Variants in AKAP8 observed in about 807,000 individuals in gnomAD.
AKAP8 encodes A-kinase anchoring protein 8.
AKAP8 carries 24 observed loss-of-function variants against 67.5 expected under a neutral mutation model. The ratio of observed to expected loss-of-function variants is 0.36; its 90% CI spans 0.26 to 0.50. The LOEUF is 0.50. Ranked by LOEUF, AKAP8 falls within the 20% of genes least tolerant of loss-of-function variation. The pLI is 0.97. For missense variants in AKAP8, 971 were observed against 955.9 expected (o/e 1.02, Z -0.21); for synonymous variants, 400 against 371.1 (o/e 1.08, Z -0.90).
At chr19:15,368,632 T>C (rs913717239) in intron 8 of AKAP8, 2 of 985,120 alleles carry the variant, frequency 2.0e-6, no homozygotes, top group Non-Finnish European at 2.4e-6. Flanking sequence ...CCATTCTGCT[T>C]GTCCAATCTC....
chr19:15,366,158 A>G (rs1246407266), intron 9 of AKAP8, among the ~76,000 whole-genome samples: 1 of 103,176 alleles, frequency 9.7e-6, no homozygotes, highest in Non-Finnish European at 1.9e-5. Flanking sequence ...CAAAAAGAAA[A>G]AAAAAAAAAG....
intron 1 of AKAP8, 126 bp downstream of exon 1, chr19:15,379,587 T>G: frequency 8.9e-7 from 1 of 1,129,000 alleles, no homozygotes; most frequent in Non-Finnish European, 1.2e-6. Flanking sequence ...TGGCCGCCTC[T>G]CCGGAGGGCC....
intron 10 of AKAP8, 123 bp downstream of exon 10, chr19:15,361,987 C>A: frequency 7.0e-7 from 1 of 1,434,030 alleles, no homozygotes; most frequent in Non-Finnish European, 9.4e-7. Flanking sequence ...ACTTACACAG[C>A]TACTCTATCT....
intron 12 of AKAP8, among the ~76,000 whole-genome samples, chr19:15,359,755 C>T (rs578167977): frequency 6.6e-6 from 1 of 152,168 alleles, no homozygotes; most frequent in African/African-American, 2.4e-5. Flanking sequence ...AAACACACAA[C>T]CATGACTGCA....
intron 10 of AKAP8, 132 bp from the exon 11 acceptor site, chr19:15,361,954 C>T: frequency 1.5e-6 from 2 of 1,347,312 alleles, no homozygotes; most frequent in South Asian, 2.7e-5. Context: ...GCTGGAGCTC[C>T]CGGTTGTCCC....
chr19:15,354,409 A>G lies in AKAP8; in HGVS notation c.*506T>C. The G allele has an allele frequency of 6.2e-6, 1 of 160,166 alleles. No homozygotes were observed. The highest frequency in any genetic ancestry group is 1.7e-4 in the South Asian group (1 of 5,772). 9.9% of individuals were successfully genotyped at this position (160,166 alleles called of 1,614,324 possible). A position where few individuals can be genotyped will look rare whatever the true frequency, so the allele number is the denominator to read the frequency against. On this transcript the variant is annotated 3_prime_UTR_variant, in exon 14 of 14. Transcript: ENST00000269701. ...ACGCGGTCAGTGCCACATGTGAACC[A>G]GGTGCTGCGAAGTCCTGTGAAAGTC... is the stretch of plus-strand genomic sequence containing the variant.
intron 13 of AKAP8, among the ~76,000 whole-genome samples, chr19:15,357,974 C>T (rs1168634328): frequency 6.6e-6 from 1 of 152,182 alleles, no homozygotes; most frequent in Non-Finnish European, 1.5e-5. Flanking sequence ...TGAGCCACCA[C>T]GCCCGGCCCA....
intron 11 of AKAP8, 52 bp downstream of exon 11, chr19:15,361,677 C>T (rs531519961): frequency 1.8e-4 from 273 of 1,526,048 alleles, no homozygotes; most frequent in Admixed American, 2.5e-4. Flanking sequence ...CGGGTCCTGT[C>T]ACATGCCTTA....
chr19:15,373,448 C>T (rs1967197729), intron 4 of AKAP8, 108 bp from the exon 5 acceptor site: 1 of 1,439,012 alleles, frequency 6.9e-7, no homozygotes, highest in African/African-American at 1.4e-5. Context: ...AACCAAACCA[C>T]CCTGCATCCC....
chr19:15,357,626 C>T (rs1966902017), intron 13 of AKAP8, among the ~76,000 whole-genome samples: 1 of 151,106 alleles, frequency 6.6e-6, no homozygotes, highest in South Asian at 2.1e-4. Context: ...CGCTTAGAAG[C>T]CTGAGCTCAC....
Position 15,362,342 on chromosome 19 carries a change from A to T in AKAP8, c.1161-91T>A, listed in dbSNP as rs1003183602. On this transcript the variant is annotated intron_variant, in intron 9 of 13. Transcript: ENST00000269701. ...GCTCACCTCTGAGGAGAGCTGAAAT[A>T]GAAACAGGATTTTCAGCTCTCCCCC... 27 of 1,449,908 alleles carry T rather than the reference A, an allele frequency of 1.9e-5. No homozygotes were observed. The African/African-American group carries it at 3.3e-4, about 18-fold the overall frequency. The allele number at this position is 1,449,908 out of a possible 1,614,324, so 89.8% of individuals were successfully genotyped here. A position where few individuals can be genotyped will look rare whatever the true frequency, so the allele number is the denominator to read the frequency against.
chr19:15,365,379 C>T (rs1021533456), intron 9 of AKAP8, among the ~76,000 whole-genome samples: 2 of 152,240 alleles, frequency 1.3e-5, no homozygotes, highest in Admixed American at 6.5e-5. Context: ...AAAGTCTCCC[C>T]AAATGCAACC....
At chr19:15,366,098 T>TA (rs1568426032) in intron 9 of AKAP8, among the ~76,000 whole-genome samples, 104 of 131,918 alleles carry the variant, frequency 7.9e-4, no homozygotes, top group African/African-American at 2.8e-3. Flanking sequence ...TTTTTTTTTT[T>TA]TAAAAAAAGT....
chr19:15,370,034 CCA>C, intron 8 of AKAP8, 110 bp downstream of exon 8: 1 of 1,359,176 alleles, frequency 7.4e-7, no homozygotes, highest in South Asian at 1.2e-5. Context: ...CCCTCTTCCC[CCA>C]CAGCCACGGG....
At position 15,360,871 on chromosome 19, in the gene AKAP8, C is replaced by T. The variant is rs773404765; in HGVS notation, c.1504G>A (p.Val502Met). ...ACCCTGCGGTTGTGATTGTGGTCCA[C>T]GGAGTGCAGGTGCCGCTGGAGGAGC... ...PQLLQRHLHSVDHNHNRRLAA... is the reference protein window; with the variant it reads ...PQLLQRHLHSMDHNHNRRLAA... The change falls in exon 12 of 14, where the codon GTG (valine) becomes ATG (methionine). Residue 502 changes from valine (V) to methionine (M), a missense_variant. Physicochemically the swap from Val to Met is conservative, Grantham distance 21 (BLOSUM62 1). Around this residue, in one of 3 missense-constraint regions of AKAP8, gnomAD observed 763 missense variants for 745.4 expected, o/e 1.02. Transcript: ENST00000269701. 162 of 1,613,154 alleles carry T rather than the reference C, an allele frequency of 1.0e-4. No homozygotes were observed. The highest frequency in any genetic ancestry group is 1.7e-4 in the Middle Eastern group (1 of 5,978).
chr19:15,356,111 G>C (rs1599554128), intron 13 of AKAP8, among the ~76,000 whole-genome samples: 1 of 151,972 alleles, frequency 6.6e-6, no homozygotes, highest in African/African-American at 2.4e-5. Flanking sequence ...TTTTAAAAAA[G>C]GGCATGAGGC....
rs893132970 is a variant in AKAP8, at chr19:15,368,141, C to T, written c.1160+94G>A. On this transcript the variant is annotated intron_variant, in intron 9 of 13. Transcript: ENST00000269701. ...TGGCCAGAGGAGTCAGGCCACCAGG[C>T]CCCCAGCATTGTGGAGCGAGGACAG... 7 of 1,525,448 alleles carry T rather than the reference C, an allele frequency of 4.6e-6. No homozygotes were observed. The African/African-American group carries it at 5.5e-5, about 12-fold the overall frequency. 94.5% of individuals were successfully genotyped at this position (1,525,448 alleles called of 1,614,324 possible).
Position 15,372,949 on chromosome 19 carries a change from C to G in AKAP8, c.763G>C (p.Asp255His), listed in dbSNP as rs745584936. Reference protein sequence around the residue: ...PSLFSQSMAPDYGVMGMQGAG... With the variant: ...PSLFSQSMAPHYGVMGMQGAG... ...CCCTGCATGCCCATCACGCCGTAGTCGGGAGCCATGGACTGGGAGAAGAGG... is the reference window on the plus strand; with the variant it reads ...CCCTGCATGCCCATCACGCCGTAGTGGGGAGCCATGGACTGGGAGAAGAGG... Residue 255 changes from aspartate to histidine, a missense_variant, in exon 5 of 14, where the codon GAC becomes CAC. Physicochemically the swap from Asp to His is moderately conservative, Grantham distance 81. Transcript: ENST00000269701. 1 of 1,547,894 alleles carries G rather than the reference C, an allele frequency of 6.5e-7. No homozygotes were observed. Among genetic ancestry groups the G allele is most frequent in the Non-Finnish European group, 8.7e-7 (1 of 1,147,538 alleles).
chr19:15,372,089 G>A, intron 6 of AKAP8, 91 bp from the exon 7 acceptor site: 1 of 1,607,538 alleles, frequency 6.2e-7, no homozygotes, highest in Non-Finnish European at 8.5e-7. Flanking sequence ...GGGTGAGTCT[G>A]CCCTGACCAC....
Sources: allele counts gnomAD v4.1 joint callset (sites outside exome capture counted in the v4.1 genomes callset), GRCh38; gene constraint gnomAD v4.1.1; regional missense constraint gnomAD v4.1.1; transcripts MANE v1.5; gene names NCBI Gene and HGNC (gene_info 2026-07-23, HGNC 2026-07-21).